The following ANKRD18B variants were observed in gnomAD, a reference collection of about 807,000 sequenced individuals.
ANKRD18B encodes the protein ankyrin repeat domain 18B.
A neutral mutation model predicts 111.8 loss-of-function variants in ANKRD18B; 75 were observed. The ratio of observed to expected loss-of-function variants is 0.67; its 90% CI spans 0.56 to 0.81. ANKRD18B has a LOEUF of 0.81. Ranked by LOEUF, ANKRD18B falls within the 40% of genes least tolerant of loss-of-function variation. The pLI is 0.00. For missense variants in ANKRD18B, 1,038 were observed against 1,225.5 expected (o/e 0.85, Z 2.28); for synonymous variants, 356 against 417.3 (o/e 0.85, Z 1.79).
At chr9:33,560,284 A>G in intron 14 of ANKRD18B, among the ~76,000 whole-genome samples, 1 of 152,216 alleles carries the variant, frequency 6.6e-6, no homozygotes, top group East Asian at 1.9e-4. Flanking sequence ...TCACAATTGA[A>G]TACCAGGACA....
chr9:33,567,352 C>T (rs1250929573), intron 16 of ANKRD18B, 38 bp downstream of exon 16: 1 of 1,497,932 alleles, frequency 6.7e-7, no homozygotes, highest in Non-Finnish European at 8.9e-7. Context: ...ATGAATTAAA[C>T]TCATTAATTT....
intron 15 of ANKRD18B, chr9:33,566,895 T>C: frequency 1.8e-6 from 1 of 544,968 alleles, no homozygotes; most frequent in Non-Finnish European, 3.1e-6. Flanking sequence ...AATACTAACA[T>C]AATTATGATT....
intron 9 of ANKRD18B, 122 bp from the exon 10 acceptor site, chr9:33,543,063 A>G (rs769037776): frequency 1.3e-5 from 13 of 992,590 alleles, no homozygotes; most frequent in Non-Finnish European, 1.9e-5. Context: ...TCCAGTAAAC[A>G]TTAAGCTTCA....
At chr9:33,532,596 A>C (rs1300251498) in intron 3 of ANKRD18B, among the ~76,000 whole-genome samples, 2 of 152,188 alleles carry the variant, frequency 1.3e-5, no homozygotes, top group African/African-American at 2.4e-5. Context: ...ATTAGGAGAA[A>C]TCCCATGGAG....
chr9:33,570,699 A>G (rs1425260791), intron 17 of ANKRD18B, among the ~76,000 whole-genome samples: 2 of 148,674 alleles, frequency 1.3e-5, no homozygotes, highest in Non-Finnish European at 3.0e-5. Context: ...GTGCCGTGGC[A>G]TGATCTCGGC....
chr9:33,536,775 T>G, intron 5 of ANKRD18B, 103 bp from the exon 6 acceptor site: 1 of 715,688 alleles, frequency 1.4e-6, no homozygotes, highest in Non-Finnish European at 2.1e-6. Context: ...TTTCTGATAT[T>G]AGCTCTGATA....
chr9:33,528,888 T>C lies in ANKRD18B; in HGVS notation c.321+47T>C, dbSNP rs142689832. The C allele has an allele frequency of 3.8e-6, 6 of 1,564,582 alleles. No individual in the cohort carries two copies. The East Asian group carries it at 1.2e-4, about 30-fold the overall frequency. On this transcript the variant is annotated intron_variant, in intron 2 of 18. Transcript: ENST00000684830. ...ATGAAATGGATTTGATTTAAATACA[T>C]AGAATTAAAATGAATTTGTCTCATT...
At chr9:33,532,604 G>A (rs1380963787) in intron 3 of ANKRD18B, among the ~76,000 whole-genome samples, 1 of 152,122 alleles carries the variant, frequency 6.6e-6, no homozygotes, top group African/African-American at 2.4e-5. Context: ...AAATCCCATG[G>A]AGTATTTAAT....
chr9:33,566,956 A>G, intron 15 of ANKRD18B, 147 bp from the exon 16 acceptor site: 1 of 718,612 alleles, frequency 1.4e-6, no homozygotes. Flanking sequence ...AGTTTTGTTG[A>G]TATTGCTGAT....
chr9:33,535,842 CTTATA>C lies in ANKRD18B; in HGVS notation c.741-1030_741-1026del, dbSNP rs1164346303. Among the ~76,000 whole-genome samples the C allele has an allele frequency of 1.4e-3, 208 of 144,728 alleles. 2 individuals are homozygous for C. Among genetic ancestry groups the C allele is most frequent in the South Asian group, 0.012 (56 of 4,650 alleles). 94.9% of individuals were successfully genotyped at this position (144,728 alleles called of 152,430 possible). Reference sequence around the variant, plus strand: ...ATATTATATATAGATTATATAATCTCTTATATTATAATGAAAATCATTATAAAAGT... The same window carrying C: ...ATATTATATATAGATTATATAATCTCTTATAATGAAAATCATTATAAAAGT... On this transcript the variant is annotated intron_variant, in intron 5 of 18. Transcript: ENST00000684830.
At chr9:33,524,728 C>G (rs762194205) in intron 1 of ANKRD18B, 33 bp downstream of exon 1, 1 of 1,529,828 alleles carries the variant, frequency 6.5e-7, no homozygotes, top group South Asian at 1.2e-5. Flanking sequence ...TGGGAGGGGG[C>G]CCCCAGGCCC....
chr9:33,530,848 G>A (rs565776845), intron 3 of ANKRD18B, among the ~76,000 whole-genome samples: 1 of 152,278 alleles, frequency 6.6e-6, no homozygotes, highest in African/African-American at 2.4e-5. Flanking sequence ...CAATTTACTT[G>A]TGGGTAATCT....
intron 11 of ANKRD18B, among the ~76,000 whole-genome samples, chr9:33,549,203 T>C (rs188720405): frequency 1.1e-3 from 161 of 152,300 alleles, no homozygotes; most frequent in Non-Finnish European, 2.0e-3. Context: ...ATTCTATAAA[T>C]CATATTTCAA....
chr9:33,561,149 C>T (rs1239273951), intron 14 of ANKRD18B, among the ~76,000 whole-genome samples: 12 of 152,162 alleles, frequency 7.9e-5, no homozygotes, highest in Non-Finnish European at 2.9e-5. Context: ...TTTACATCCC[C>T]GGCAGCATTG....
chr9:33,524,633 A>T lies in ANKRD18B; in HGVS notation c.144A>T (p.Ala48=). 6.4e-7 allele frequency: 1 copy of T among 1,551,580 alleles called. No individual in the cohort carries two copies. The highest frequency in any genetic ancestry group is 1.2e-5 in the South Asian group (1 of 84,058). Residue 48 remains alanine, a synonymous_variant, in exon 1 of 19, where the codon GCA becomes GCT. Transcript: ENST00000684830. ...GGGCGGCCATCAAGGGCGACGCCGC[A>T]GAGGTGGAGCACTGCCTGACGCGCA... ...IHRAAIKGDA[A]EVEHCLTRRF...
intron 4 of ANKRD18B, 149 bp downstream of exon 4, chr9:33,533,694 A>G: frequency 5.0e-6 from 7 of 1,388,886 alleles, no homozygotes; most frequent in Non-Finnish European, 6.6e-6. Flanking sequence ...TCAGGTAGAA[A>G]AGAAGTTATT....
intron 3 of ANKRD18B, among the ~76,000 whole-genome samples, chr9:33,531,963 G>A (rs892331799): frequency 1.3e-4 from 20 of 152,092 alleles, no homozygotes; most frequent in Admixed American, 6.6e-4. Flanking sequence ...AGCTGGATGC[G>A]ATGGCTCATG....
At position 33,565,243 on chromosome 9, in the gene ANKRD18B, C is replaced by G. The variant is rs150972536; in HGVS notation, c.2461-976C>G. Among the ~76,000 whole-genome samples the G allele has an allele frequency of 2.5e-3, 379 of 152,270 alleles. 2 individuals carry two copies. The highest frequency in any genetic ancestry group is 8.8e-3 in the African/African-American group (365 of 41,550). On this transcript the variant is annotated intron_variant, in intron 14 of 18. Coordinates refer to ENST00000684830, the MANE Select transcript of ANKRD18B (RefSeq NM_001393611.1). ...TATCATTCTTCATATGGATAGTTTACCAGTGCCATTCATTTGAAGAGGGTG... is the reference window on the plus strand; with the variant it reads ...TATCATTCTTCATATGGATAGTTTAGCAGTGCCATTCATTTGAAGAGGGTG...
chr9:33,529,984 G>A (rs1181376194), intron 3 of ANKRD18B, among the ~76,000 whole-genome samples: 1 of 152,102 alleles, frequency 6.6e-6, no homozygotes, highest in African/African-American at 2.4e-5. Context: ...TGGGAATGTG[G>A]GAGATAAGCA....
Sources: allele counts gnomAD v4.1 joint callset (sites outside exome capture counted in the v4.1 genomes callset), GRCh38; gene constraint gnomAD v4.1.1; transcripts MANE v1.5; gene names NCBI Gene and HGNC (gene_info 2026-07-23, HGNC 2026-07-21).